The following ZFP90 variants were observed in gnomAD, a reference collection of about 807,000 sequenced individuals.
ZFP90 encodes the protein ZFP90 zinc finger protein.
ZFP90 carries 38 observed loss-of-function variants against 60.8 expected under a neutral mutation model. That is an observed-to-expected ratio of 0.62 (90% CI 0.48 to 0.82). The LOEUF (loss-of-function observed/expected upper bound fraction) is 0.82. Among genes scored for constraint, ZFP90 ranks in the 40% least tolerant of loss-of-function variants. ZFP90 has a pLI of 0.00. For missense variants in ZFP90, 711 were observed against 759.1 expected (o/e 0.94, Z 0.74); for synonymous variants, 287 against 264.8 (o/e 1.08, Z -0.82).
At chr16:68,550,349 T>A (rs1644243258) in intron 2 of ZFP90, among the ~76,000 whole-genome samples, 1 of 152,208 alleles carries the variant, frequency 6.6e-6, no homozygotes, top group Non-Finnish European at 1.5e-5. Context: ...AACCTCCGCC[T>A]CCTGGGTTCA....
In ZFP90 at chr16:68,564,828, T is replaced by C. The variant is rs1348945448; in HGVS notation, c.*130T>C. 46 of 1,381,878 alleles carry C rather than the reference T, an allele frequency of 3.3e-5. No individual in the cohort carries two copies. Among genetic ancestry groups the C allele is most frequent in the Non-Finnish European group, 2.2e-5 (24 of 1,076,044 alleles). 85.6% of individuals were successfully genotyped at this position (1,381,878 alleles called of 1,614,324 possible). On this transcript the variant is annotated 3_prime_UTR_variant, in exon 5 of 5. Transcript: ENST00000563169. Reference sequence around the variant, plus strand: ...TTTATACGTTGTGTGTGGAGAAAACTGCCAGTAGACAGATTTTTTTTTTTT... The same window carrying C: ...TTTATACGTTGTGTGTGGAGAAAACCGCCAGTAGACAGATTTTTTTTTTTT...
At chr16:68,534,508 G>A (rs374644660), upstream of ZFP90, among the ~76,000 whole-genome samples, 7 of 151,348 alleles carry the variant, frequency 4.6e-5, no homozygotes, top group East Asian at 3.9e-4. Context: ...GATTACAGGC[G>A]TGAGCCACTG....
At chr16:68,571,479 TTTTC>T (rs1415674217), downstream of ZFP90, among the ~76,000 whole-genome samples, 1 of 152,220 alleles carries the variant, frequency 6.6e-6, no homozygotes, top group Non-Finnish European at 1.5e-5. Context: ...TTGGCCTCCT[TTTTC>T]TTATCTGATT....
At chr16:68,548,336 C>T (rs1354272765) in intron 2 of ZFP90, among the ~76,000 whole-genome samples, 3 of 151,928 alleles carry the variant, frequency 2.0e-5, no homozygotes, top group Non-Finnish European at 4.4e-5. Flanking sequence ...CAACAATTTT[C>T]TCTATTTCCT....
In ZFP90 at chr16:68,563,112, A is replaced by C; in HGVS notation, c.325A>C (p.Thr109Pro). 1.2e-6 allele frequency: 2 copies of C among 1,614,190 alleles called. No individual in the cohort carries two copies. The highest frequency in any genetic ancestry group is 1.7e-6 in the Non-Finnish European group (2 of 1,180,030). Residue 109 changes from threonine to proline, a missense_variant, in exon 5 of 5, where the codon ACA (threonine) becomes CCA (proline). Physicochemically the swap from Thr to Pro is conservative, Grantham distance 38. Coordinates refer to ENST00000563169, the MANE Select transcript of ZFP90 (RefSeq NM_001305203.2). ...GGATGTATCAGAAGTATCCCACTGC[A>C]CACATGATCTCTTACATGCTACATT... Reference protein sequence around the residue: ...QQDVSEVSHCTHDLLHATLED... With the variant: ...QQDVSEVSHCPHDLLHATLED...
At chr16:68,551,066 G>A (rs1472949476) in intron 2 of ZFP90, among the ~76,000 whole-genome samples, 1 of 152,180 alleles carries the variant, frequency 6.6e-6, no homozygotes, top group South Asian at 2.1e-4. Flanking sequence ...AGGCCACTTA[G>A]TGCTTAAGTG....
chr16:68,548,720 C>T (rs1321504323), intron 2 of ZFP90, among the ~76,000 whole-genome samples: 1 of 152,002 alleles, frequency 6.6e-6, no homozygotes, highest in African/African-American at 2.4e-5. Flanking sequence ...GAACTCCCGA[C>T]CTCAGGTGAT....
intron 2 of ZFP90, among the ~76,000 whole-genome samples, chr16:68,546,484 C>T (rs567853988): frequency 1.3e-5 from 2 of 152,246 alleles, no homozygotes; most frequent in Admixed American, 6.5e-5. Context: ...ACTACTCTAT[C>T]TCATATAAGT....
chr16:68,563,238 C>A lies in ZFP90; in HGVS notation c.451C>A (p.Pro151Thr). Reference protein sequence around the residue: ...EASTQKKIITPQENFEQNKFG... With the variant: ...EASTQKKIITTQENFEQNKFG... ...ATCCACCCAGAAGAAAATAATTACA[C>A]CACAAGAAAATTTTGAGCAAAATAA... The change falls in exon 5 of 5, where the codon CCA becomes ACA. Residue 151 changes from proline (P) to threonine (T), a missense_variant. Transcript: ENST00000563169. 1.2e-6 allele frequency: 2 copies of A among 1,613,518 alleles called. No individual in the cohort carries two copies. Among genetic ancestry groups the A allele is most frequent in the Non-Finnish European group, 1.7e-6 (2 of 1,179,838 alleles).
At chr16:68,537,143 T>C (rs964565350), upstream of ZFP90, among the ~76,000 whole-genome samples, 2 of 140,556 alleles carry the variant, frequency 1.4e-5, no homozygotes, top group African/African-American at 5.4e-5. Flanking sequence ...TTTTTTTTTT[T>C]GAGACAGAGT....
intron 2 of ZFP90, among the ~76,000 whole-genome samples, chr16:68,556,770 G>A (rs190858838): frequency 1.3e-5 from 2 of 152,282 alleles, no homozygotes; most frequent in East Asian, 3.9e-4. Flanking sequence ...TGGACTAGCA[G>A]GAAAATTAAA....
intron 2 of ZFP90, among the ~76,000 whole-genome samples, chr16:68,541,622 C>T (rs138988851): frequency 1.3e-3 from 199 of 152,078 alleles, no homozygotes; most frequent in Middle Eastern, 0.01. Flanking sequence ...ATATATACTT[C>T]TTATTATATG....
chr16:68,535,398 C>T (rs767235705), upstream of ZFP90: 8 of 152,110 alleles, frequency 5.3e-5, no homozygotes, highest in Non-Finnish European at 1.0e-4. Flanking sequence ...TCTATGGAGT[C>T]CCAATTTTTA....
chr16:68,558,163 G>A, intron 3 of ZFP90, 39 bp downstream of exon 3: 1 of 1,606,802 alleles, frequency 6.2e-7, no homozygotes. Flanking sequence ...CTGCTGATGG[G>A]CCTTTCCTTC....
intron 2 of ZFP90, among the ~76,000 whole-genome samples, chr16:68,554,358 T>C (rs1393424040): frequency 1.3e-5 from 2 of 152,034 alleles, no homozygotes; most frequent in African/African-American, 2.4e-5. Context: ...GCCATGCTGG[T>C]CTTGAACTCC....
rs761243136 is a variant in ZFP90, at chr16:68,563,388, G to A, written c.601G>A (p.Glu201Lys). The change falls in exon 5 of 5, where the codon GAG becomes AAG. Residue 201 changes from glutamate (E) to lysine (K), a missense_variant. By Grantham distance (56) the Glu-to-Lys change is moderately conservative. This residue lies in a region of ZFP90 where 241 missense variants were observed against 247.6 expected (regional missense o/e 0.97). Transcript: ENST00000563169. Reference protein sequence around the residue: ...NLGHNADLLNENNILAKKKPY... With the variant: ...NLGHNADLLNKNNILAKKKPY... ...GGGACATAATGCAGACTTACTTAAT[G>A]AGAATAATATTCTTGCAAAAAAGAA... 2 of 1,613,744 alleles carry A rather than the reference G, an allele frequency of 1.2e-6. No individual in the cohort carries two copies. The highest frequency in any genetic ancestry group is 1.7e-6 in the Non-Finnish European group (2 of 1,179,958).
At position 68,565,821 on chromosome 16, in the gene ZFP90, TC is replaced by T; in HGVS notation, c.*1124del. On this transcript the variant is annotated 3_prime_UTR_variant, in exon 5 of 5. Transcript: ENST00000563169. ...TCATTTTATGTGCAAAGAAAAGATT[TC>T]ACCATTAAAAAAATTAACTTGGCTA... 2 of 985,430 alleles carry T rather than the reference TC, an allele frequency of 2.0e-6. No homozygotes were observed. Among genetic ancestry groups the T allele is most frequent in the South Asian group, 4.7e-5 (1 of 21,282 alleles). The allele number at this position is 985,430 out of a possible 1,614,324, so 61.0% of individuals were successfully genotyped here. A position where few individuals can be genotyped will look rare whatever the true frequency, so the allele number is the denominator to read the frequency against.
At chr16:68,572,909 C>T (rs1392529859) in intron 2 of ZFP90, among the ~76,000 whole-genome samples, 1 of 152,330 alleles carries the variant, frequency 6.6e-6, no homozygotes, top group East Asian at 1.9e-4. Flanking sequence ...TAGTCCCTAG[C>T]AGCAGAGTGG....
intron 2 of ZFP90, among the ~76,000 whole-genome samples, chr16:68,540,117 G>T (rs1449613667): frequency 1.3e-5 from 2 of 152,124 alleles, no homozygotes; most frequent in Non-Finnish European, 2.9e-5. Context: ...CCAGTTTTTT[G>T]AACTCTTGTC....
Sources: allele counts gnomAD v4.1 joint callset (sites outside exome capture counted in the v4.1 genomes callset), GRCh38; gene constraint gnomAD v4.1.1; regional missense constraint gnomAD v4.1.1; transcripts MANE v1.5; gene names NCBI Gene and HGNC (gene_info 2026-07-23, HGNC 2026-07-21).